TENM2: variants seen among roughly 807,000 people sequenced by gnomAD.
The protein encoded by TENM2 is teneurin transmembrane protein 2, also known as teneurin-2.
A neutral mutation model predicts 245.2 loss-of-function variants in TENM2; 52 were observed. The observed-to-expected ratio is 0.21, with a 90% CI of 0.17 to 0.27. The LOEUF (loss-of-function observed/expected upper bound fraction) is 0.27. Among genes scored for constraint, TENM2 ranks in the 10% least tolerant of loss-of-function variants. TENM2 has a pLI of 1.00. For synonymous variants in TENM2, 1,363 were observed against 1,438.9 expected (o/e 0.95, Z 1.19); for missense variants, 3,046 against 3,666.8 (o/e 0.83, Z 4.37).
chr5:167,197,263 A>C, the TENM2 span, among the ~76,000 whole-genome samples: 5,616 of 152,192 alleles, frequency 0.037, 358 homozygotes, highest in African/African-American at 0.13. Context: ...CTCCTTCCAA[A>C]GCGTGTGCTA....
intron 3 of TENM2, among the ~76,000 whole-genome samples, chr5:167,911,590 G>C (rs1776561293): frequency 6.6e-6 from 1 of 152,178 alleles, no homozygotes; most frequent in Non-Finnish European, 1.5e-5. Flanking sequence ...AATATCTCTT[G>C]GGCACCTACC....
intron 2 of TENM2, among the ~76,000 whole-genome samples, chr5:167,832,135 T>C (rs1322598892): frequency 6.6e-6 from 1 of 152,218 alleles, no homozygotes; most frequent in Non-Finnish European, 1.5e-5. Context: ...ATAATGGTAT[T>C]TGTATCTCTT....
At chr5:167,592,736 G>A (rs951940243) in intron 2 of TENM2, among the ~76,000 whole-genome samples, 1 of 152,052 alleles carries the variant, frequency 6.6e-6, no homozygotes, top group African/African-American at 2.4e-5. Context: ...AAGTTATGTG[G>A]ACTAGTTTTA....
At chr5:167,332,252 T>C (rs1038940743) in intron 1 of TENM2, among the ~76,000 whole-genome samples, 3 of 152,308 alleles carry the variant, frequency 2.0e-5, no homozygotes, top group Non-Finnish European at 4.4e-5. Context: ...AGGCTCTATT[T>C]TCCCCCTCAC....
chr5:167,555,019 T>C (rs1773177340), intron 2 of TENM2, among the ~76,000 whole-genome samples: 1 of 152,182 alleles, frequency 6.6e-6, no homozygotes, highest in Non-Finnish European at 1.5e-5. Context: ...CACTCATCTC[T>C]CTGGAAAGCA....
chr5:168,101,997 A>G (rs1296237973), intron 9 of TENM2, among the ~76,000 whole-genome samples: 3 of 152,130 alleles, frequency 2.0e-5, no homozygotes, highest in Non-Finnish European at 4.4e-5. Flanking sequence ...AGTATTATTA[A>G]TTACTTAACA....
intron 2 of TENM2, among the ~76,000 whole-genome samples, chr5:167,687,344 C>T (rs887527316): frequency 1.1e-4 from 17 of 151,972 alleles, no homozygotes; most frequent in African/African-American, 4.1e-4. Flanking sequence ...TGCATATGCA[C>T]AAAGGTTATG....
At chr5:167,028,395 A>G in the TENM2 span, among the ~76,000 whole-genome samples, 3 of 152,116 alleles carry the variant, frequency 2.0e-5, no homozygotes, top group African/African-American at 7.2e-5. Context: ...TATACATTAT[A>G]TATTTTGACA....
At chr5:167,583,825 CCTTCCAGT>C (rs1231743187) in intron 2 of TENM2, among the ~76,000 whole-genome samples, 1 of 152,168 alleles carries the variant, frequency 6.6e-6, no homozygotes, top group Non-Finnish European at 1.5e-5. Flanking sequence ...CTCCAGGATT[CCTTCCAGT>C]CTTTCCTGCT....
At chr5:167,480,459 A>G (rs776359833) in intron 2 of TENM2, among the ~76,000 whole-genome samples, 35 of 152,208 alleles carry the variant, frequency 2.3e-4, no homozygotes, top group Non-Finnish European at 2.4e-4. Flanking sequence ...AAATTACTAA[A>G]GAGGAAATGT....
the TENM2 span, among the ~76,000 whole-genome samples, chr5:167,083,982 C>A: frequency 1.3e-5 from 2 of 151,948 alleles, no homozygotes; most frequent in African/African-American, 2.4e-5. Flanking sequence ...GCTAATCTAG[C>A]CCCCTAGAGC....
intron 2 of TENM2, among the ~76,000 whole-genome samples, chr5:167,602,541 G>C (rs1311351284): frequency 6.6e-6 from 1 of 152,190 alleles, no homozygotes; most frequent in African/African-American, 2.4e-5. Context: ...TTGGGGGTTT[G>C]GTGGTTGGAG....
At chr5:168,065,936 GA>G (rs1413266529) in intron 7 of TENM2, among the ~76,000 whole-genome samples, 4 of 151,702 alleles carry the variant, frequency 2.6e-5, no homozygotes, top group Admixed American at 2.6e-4. Flanking sequence ...TCCCACCCTG[GA>G]AACATTTTAC....
At chr5:167,909,910 C>CT (rs34812394) in intron 3 of TENM2, among the ~76,000 whole-genome samples, 5,539 of 134,722 alleles carry the variant, frequency 0.041, 260 homozygotes, top group African/African-American at 0.12. Flanking sequence ...GTGAGTAAGG[C>CT]TTTTTTTTTT....
chr5:167,013,119 A>G, the TENM2 span, among the ~76,000 whole-genome samples: 1 of 152,162 alleles, frequency 6.6e-6, no homozygotes, highest in Non-Finnish European at 1.5e-5. Flanking sequence ...TTGAGGGAAG[A>G]TATCATTGTA....
intron 6 of TENM2, among the ~76,000 whole-genome samples, chr5:168,054,137 T>C (rs901667420): frequency 2.6e-5 from 4 of 152,182 alleles, no homozygotes; most frequent in Admixed American, 2.6e-4. Flanking sequence ...AGCAACAAAT[T>C]GAAATTTCAA....
intron 27 of TENM2, among the ~76,000 whole-genome samples, chr5:168,254,234 C>T (rs868122157): frequency 6.6e-6 from 1 of 152,312 alleles, no homozygotes; most frequent in African/African-American, 2.4e-5. Context: ...CCAGCTCCTG[C>T]CCAAGCAATT....
intron 1 of TENM2, among the ~76,000 whole-genome samples, chr5:167,299,847 C>G (rs950327451): frequency 6.6e-6 from 1 of 151,996 alleles, no homozygotes; most frequent in Admixed American, 6.6e-5. Context: ...TTATGGGAGA[C>G]TCAACAAAGA....
chr5:167,684,952 A>G (rs1756974548), intron 2 of TENM2, among the ~76,000 whole-genome samples: 1 of 152,190 alleles, frequency 6.6e-6, no homozygotes, highest in African/African-American at 2.4e-5. Flanking sequence ...ATTGGAACTC[A>G]CATAAGATCT....
Sources: gnomAD v4.1 joint callset for allele counts (sites outside exome capture counted in the v4.1 genomes callset) on GRCh38, gnomAD v4.1.1 for gene constraint, MANE v1.5 for transcripts, NCBI Gene and HGNC (gene_info 2026-07-23, HGNC 2026-07-21) for gene names.